SLC16A7: variants seen among roughly 807,000 people sequenced by gnomAD.
The protein encoded by SLC16A7 is monocarboxylate transporter 2.
SLC16A7 carries 33 observed loss-of-function variants against 34.9 expected under a neutral mutation model. The observed-to-expected ratio is 0.94, with a 90% CI of 0.72 to 1.26. SLC16A7 has a LOEUF of 1.26. Ranked by LOEUF, SLC16A7 falls within the 50% of genes most tolerant of loss-of-function variation. SLC16A7 has a pLI of 0.00. For synonymous variants in SLC16A7, 201 were observed against 206.6 expected, an observed-to-expected ratio of 0.97 and a Z score of 0.23; for missense variants, 573 against 578.1, an observed-to-expected ratio of 0.99 and a Z score of 0.09.
At chr12:59,682,922 C>T (rs752636000) in intron 2 of SLC16A7, among the ~76,000 whole-genome samples, 4 of 151,974 alleles carry the variant, frequency 2.6e-5, no homozygotes, top group Non-Finnish European at 5.9e-5. Flanking sequence ...CAAAATTAGC[C>T]AGGCGTGGTG....
chr12:59,704,898 T>C lies in SLC16A7; in HGVS notation c.97T>C (p.Ser33Pro). The C allele has an allele frequency of 6.2e-7, 1 of 1,613,736 alleles. No individual in the cohort carries two copies. The highest frequency in any genetic ancestry group is 1.1e-5 in the South Asian group (1 of 91,078). ...VGAAFISIGF[S>P]YAFPKAVTVF... ...AGCAGCTTTTATCTCCATTGGATTT[T>C]CCTATGCATTCCCCAAAGCTGTCAC... Residue 33 changes from serine (S) to proline (P), a missense_variant, in exon 3 of 6, where the codon TCC becomes CCC. By Grantham distance (74) the Ser-to-Pro change is moderately conservative. Coordinates refer to ENST00000547379, the MANE Select transcript of SLC16A7 (RefSeq NM_001270623.2).
chr12:59,656,691 C>G (rs745370362), intron 2 of SLC16A7, among the ~76,000 whole-genome samples: 1 of 151,998 alleles, frequency 6.6e-6, no homozygotes, highest in Non-Finnish European at 1.5e-5. Flanking sequence ...AAATTACAGA[C>G]AGCCTCAGAG....
intron 1 of SLC16A7, among the ~76,000 whole-genome samples, chr12:59,599,923 A>G (rs1451861476): frequency 6.6e-6 from 1 of 152,174 alleles, no homozygotes; most frequent in East Asian, 1.9e-4. Context: ...AGTAGATGGT[A>G]TATCTGATTC....
chr12:59,597,526 A>G (rs1878479703), intron 1 of SLC16A7, among the ~76,000 whole-genome samples: 1 of 152,196 alleles, frequency 6.6e-6, no homozygotes, highest in South Asian at 2.1e-4. Context: ...AACTTTCCAC[A>G]GACAGGTTAG....
rs375049933 is a variant in SLC16A7, at chr12:59,689,842, G to T, written c.-30-14930G>T. 1.2e-3 allele frequency among the ~76,000 whole-genome samples: 190 copies of T among 152,056 alleles called. 4 individuals carry two copies. In the South Asian group the frequency reaches 0.02, roughly 16 times the overall value. On this transcript the variant is annotated intron_variant, in intron 2 of 5. Transcript: ENST00000547379. ...TTCTGTTTTTTTCCTAAGTTGAAAG[G>T]TGAGAAAAGTATTATTAAGTGGCTT... is the stretch of plus-strand genomic sequence containing the variant.
chr12:59,725,141 A>C (rs1407030767), intron 3 of SLC16A7, among the ~76,000 whole-genome samples: 1 of 152,064 alleles, frequency 6.6e-6, no homozygotes, highest in African/African-American at 2.4e-5. Context: ...AAAAGTATAG[A>C]ATACTATTTT....
chr12:59,741,932 T>C (rs932890296), intron 3 of SLC16A7, among the ~76,000 whole-genome samples: 55 of 152,294 alleles, frequency 3.6e-4, no homozygotes, highest in African/African-American at 1.2e-3. Context: ...AGAAAGAGAC[T>C]GAGGCAAGTT....
At chr12:59,671,726 GTGTATATA>G (rs561648895) in intron 2 of SLC16A7, among the ~76,000 whole-genome samples, 12 of 143,650 alleles carry the variant, frequency 8.4e-5, no homozygotes, top group Middle Eastern at 3.8e-3. Flanking sequence ...GTATATATAT[GTGTATATA>G]TGTATATATG....
At chr12:59,694,618 C>T (rs1872066248) in intron 2 of SLC16A7, among the ~76,000 whole-genome samples, 1 of 151,904 alleles carries the variant, frequency 6.6e-6, no homozygotes, top group South Asian at 2.1e-4. Context: ...TACAGTAGAT[C>T]TCTAAGATCT....
At chr12:59,673,464 C>A (rs945599600) in intron 2 of SLC16A7, among the ~76,000 whole-genome samples, 2 of 149,686 alleles carry the variant, frequency 1.3e-5, no homozygotes, top group African/African-American at 4.9e-5. Flanking sequence ...ATAGACTAGG[C>A]AAGTTGTCAG....
At chr12:59,640,427 C>CT (rs1342365775) in intron 1 of SLC16A7, among the ~76,000 whole-genome samples, 1 of 105,646 alleles carries the variant, frequency 9.5e-6, no homozygotes, top group Non-Finnish European at 2.5e-5. Context: ...GAACTTTATG[C>CT]CCCCCCAGAG....
chr12:59,765,202 G>A (rs1261462099), intron 3 of SLC16A7, among the ~76,000 whole-genome samples: 1 of 151,862 alleles, frequency 6.6e-6, no homozygotes, highest in Non-Finnish European at 1.5e-5. Context: ...TTGTAAATTT[G>A]TTTGAGTTCA....
chr12:59,779,282 T>G (rs544428958), intron 5 of SLC16A7, 141 bp from the exon 6 acceptor site: 16 of 618,960 alleles, frequency 2.6e-5, no homozygotes, highest in Non-Finnish European at 4.2e-5. Flanking sequence ...GAAGTCATAA[T>G]CTAGATTTTT....
At chr12:59,602,918 A>G (rs1306568727) in intron 1 of SLC16A7, among the ~76,000 whole-genome samples, 1 of 152,136 alleles carries the variant, frequency 6.6e-6, no homozygotes, top group East Asian at 1.9e-4. Context: ...AGGCATTTCC[A>G]GACATTTCTA....
At position 59,620,286 on chromosome 12, in the gene SLC16A7, G is replaced by C. The variant is rs1471366625; in HGVS notation, c.-130+24050G>C. On this transcript the variant is annotated intron_variant, in intron 1 of 5. Coordinates refer to ENST00000547379, the MANE Select transcript of SLC16A7 (RefSeq NM_001270623.2). ...CTGAGTATTGTAGATTCATTGTTGA[G>C]ATTCTAGATGCAAAGCAAAACTGAT... Among the ~76,000 whole-genome samples the C allele has an allele frequency of 3.9e-5, 6 of 151,958 alleles. No individual in the cohort carries two copies. In the East Asian group the frequency reaches 1.2e-3, roughly 29 times the overall value.
rs554187308 is a variant in SLC16A7, at chr12:59,788,665, A to C, written c.*8986A>C. On this transcript the variant is annotated 3_prime_UTR_variant, in exon 6 of 6. Transcript: ENST00000547379. The stretch of plus-strand genomic sequence containing the variant: ...GCCTTCTTACACATGAATGTACTTA[A>C]AGTATTGTTATGTGATCTTGGGATA... The C allele has an allele frequency of 1.3e-5, 2 of 152,088 alleles. No homozygotes were observed. The highest frequency in any genetic ancestry group is 3.9e-4 in the East Asian group (2 of 5,184). The allele number at this position is 152,088 out of a possible 1,614,324, so 9.4% of individuals were successfully genotyped here. A position where few individuals can be genotyped will look rare whatever the true frequency, so the allele number is the denominator to read the frequency against.
intron 1 of SLC16A7, among the ~76,000 whole-genome samples, chr12:59,612,180 C>T (rs11173101): frequency 0.22 from 33,194 of 152,220 alleles, 4,358 homozygotes; most frequent in East Asian, 0.66. Flanking sequence ...ACTTCTGCCT[C>T]GACATCTCGG....
chr12:59,742,512 A>G (rs1470037179), intron 3 of SLC16A7, among the ~76,000 whole-genome samples: 1 of 152,250 alleles, frequency 6.6e-6, no homozygotes, highest in East Asian at 1.9e-4. Flanking sequence ...CCTAGGAGGA[A>G]AGTGAGAAAT....
At chr12:59,722,961 TTTA>T (rs1875785050) in intron 3 of SLC16A7, among the ~76,000 whole-genome samples, 1 of 151,936 alleles carries the variant, frequency 6.6e-6, no homozygotes, top group East Asian at 1.9e-4. Flanking sequence ...GAACTGAATT[TTTA>T]TTGTATTTTA....
Sources: allele counts gnomAD v4.1 joint callset (sites outside exome capture counted in the v4.1 genomes callset), GRCh38; gene constraint gnomAD v4.1.1; transcripts MANE v1.5; gene names NCBI Gene and HGNC (gene_info 2026-07-23, HGNC 2026-07-21).